Variants in DLGAP1 observed in about 807,000 individuals in gnomAD.
DLGAP1 encodes disks large-associated protein 1.
A neutral mutation model predicts 90.8 loss-of-function variants in DLGAP1; 11 were observed. The observed-to-expected ratio is 0.12, with a 90% CI of 0.08 to 0.20. The LOEUF (loss-of-function observed/expected upper bound fraction) is 0.20, where lower values mean the gene tolerates loss of function less well. Among genes scored for constraint, DLGAP1 ranks in the 10% least tolerant of loss-of-function variants. The pLI is 1.00. For synonymous variants in DLGAP1, 558 were observed against 540.7 expected, an observed-to-expected ratio of 1.03 and a Z score of -0.44; for missense variants, 1,050 against 1,333.8, an observed-to-expected ratio of 0.79 and a Z score of 3.31.
intron 1 of DLGAP1, among the ~76,000 whole-genome samples, chr18:4,394,781 C>T (rs1444287165): frequency 6.6e-6 from 1 of 152,032 alleles, no homozygotes; most frequent in African/African-American, 2.4e-5. Context: ...GGTTCTTATG[C>T]CAATAGTGAT....
intron 3 of DLGAP1, among the ~76,000 whole-genome samples, chr18:3,944,255 T>A (rs1486838861): frequency 1.3e-5 from 2 of 152,190 alleles, no homozygotes; most frequent in East Asian, 3.9e-4. Flanking sequence ...CCCAGCACTT[T>A]GGGAAGCTGA....
At position 3,499,696 on chromosome 18, in the gene DLGAP1, C is replaced by T. The variant is rs1424275129; in HGVS notation, c.2725-302G>A. 6.6e-6 allele frequency among the ~76,000 whole-genome samples: 1 copy of T among 152,128 alleles called. No individual in the cohort carries two copies. Among genetic ancestry groups the T allele is most frequent in the African/African-American group, 2.4e-5 (1 of 41,426 alleles). On this transcript the variant is annotated intron_variant, in intron 12 of 12. Transcript: ENST00000315677. The surrounding 1 kb of genome is among the most constrained non-coding windows in gnomAD (Gnocchi z 6.4). ...TGCGGAAAGCCTGCGGCTCCCAGCA[C>T]ATTGAGTGCGGTTCTCTCTGGAGAC...
chr18:3,671,452 G>A (rs970278439), intron 7 of DLGAP1, among the ~76,000 whole-genome samples: 47 of 152,184 alleles, frequency 3.1e-4, no homozygotes, highest in Non-Finnish European at 1.6e-4. Flanking sequence ...CCTGGCACAC[G>A]TTAGGTGCTC....
At chr18:4,161,962 G>A (rs1000230521) in intron 1 of DLGAP1, among the ~76,000 whole-genome samples, 4 of 152,156 alleles carry the variant, frequency 2.6e-5, no homozygotes, top group Non-Finnish European at 5.9e-5. Context: ...CACTAAATCT[G>A]AGGTCTTCAT....
rs1293181609 is a variant in DLGAP1, at chr18:3,534,453, G to T, written c.2220C>A (p.Ser740Arg). Residue 740 changes from serine to arginine, a missense_variant, in exon 10 of 13, where the codon AGC becomes AGA. Around this residue, in one of 2 missense-constraint regions of DLGAP1, gnomAD observed 565 missense variants for 879.7 expected, o/e 0.64. Coordinates refer to ENST00000315677, the MANE Select transcript of DLGAP1 (RefSeq NM_004746.4). ...GGTAATGGTTTCCTGAGCCCTGAAT[G>T]CTGACTGTGGAGGTGCTGGCATCGC... ...FSRDASTSTV[S>R]IQGSGNHYHA... 1.2e-6 allele frequency: 2 copies of T among 1,614,074 alleles called. No individual in the cohort carries two copies. Among genetic ancestry groups the T allele is most frequent in the African/African-American group, 2.7e-5 (2 of 74,946 alleles).
chr18:3,707,361 G>A (rs1234442456), intron 7 of DLGAP1, among the ~76,000 whole-genome samples: 1 of 152,172 alleles, frequency 6.6e-6, no homozygotes, highest in Non-Finnish European at 1.5e-5. Context: ...ACTTTAGAAG[G>A]CCGAGGTGGG....
intron 4 of DLGAP1, among the ~76,000 whole-genome samples, chr18:3,865,919 T>C (rs934102424): frequency 6.6e-6 from 1 of 152,182 alleles, no homozygotes; most frequent in Non-Finnish European, 1.5e-5. Context: ...TTATTCTTAG[T>C]CATGGTCACA....
intron 3 of DLGAP1, among the ~76,000 whole-genome samples, chr18:3,925,754 A>G (rs955941845): frequency 2.0e-5 from 3 of 152,244 alleles, no homozygotes; most frequent in Admixed American, 6.5e-5. Flanking sequence ...CATTAACTAC[A>G]TTCAGGAAAG....
chr18:4,335,210 A>T (rs1020264285), intron 1 of DLGAP1, among the ~76,000 whole-genome samples: 1 of 151,980 alleles, frequency 6.6e-6, no homozygotes, highest in African/African-American at 2.4e-5. Flanking sequence ...TCCAGAATAG[A>T]AATAAAGACA....
At chr18:3,699,473 G>A (rs1223412229) in intron 7 of DLGAP1, among the ~76,000 whole-genome samples, 1 of 152,192 alleles carries the variant, frequency 6.6e-6, no homozygotes, top group Non-Finnish European at 1.5e-5. Flanking sequence ...AGCGGAGGCT[G>A]CAGAACAGCA....
intron 3 of DLGAP1, among the ~76,000 whole-genome samples, chr18:3,912,039 T>G (rs763093588): frequency 5.9e-5 from 9 of 152,252 alleles, no homozygotes; most frequent in Non-Finnish European, 1.2e-4. Context: ...CAGGCTGATA[T>G]GTGCTGAAGT....
intron 1 of DLGAP1, among the ~76,000 whole-genome samples, chr18:4,192,731 G>A (rs564563510): frequency 6.6e-6 from 1 of 152,264 alleles, no homozygotes; most frequent in South Asian, 2.1e-4. Context: ...CCCTAAGGTA[G>A]GGCAATGGAA....
chr18:3,569,322 T>G (rs1290815151), intron 8 of DLGAP1, among the ~76,000 whole-genome samples: 1 of 151,982 alleles, frequency 6.6e-6, no homozygotes, highest in African/African-American at 2.4e-5. Flanking sequence ...TGACTTCTTA[T>G]GTTTCTATCT....
At chr18:4,077,273 A>G (rs9950643) in intron 2 of DLGAP1, among the ~76,000 whole-genome samples, 114,332 of 152,110 alleles carry the variant, frequency 0.75, 43,294 homozygotes, top group East Asian at 0.85. Flanking sequence ...GAAGAGCCAT[A>G]CTTGAAATCA....
intron 1 of DLGAP1, among the ~76,000 whole-genome samples, chr18:4,441,035 A>G (rs1023112957): frequency 3.3e-5 from 5 of 152,240 alleles, no homozygotes; most frequent in Non-Finnish European, 7.3e-5. Context: ...TCTTTCAGGT[A>G]TATCTCACAA....
At chr18:4,194,994 T>A (rs1354207210) in intron 1 of DLGAP1, among the ~76,000 whole-genome samples, 1 of 152,206 alleles carries the variant, frequency 6.6e-6, no homozygotes, top group Non-Finnish European at 1.5e-5. Context: ...TTGACTATGG[T>A]CACCCTGATG....
At chr18:4,030,543 T>C (rs1015517583) in intron 2 of DLGAP1, among the ~76,000 whole-genome samples, 5 of 148,214 alleles carry the variant, frequency 3.4e-5, no homozygotes, top group South Asian at 4.6e-4. Flanking sequence ...ATACAGGGGA[T>C]TGAGGCCTCT....
intron 3 of DLGAP1, among the ~76,000 whole-genome samples, chr18:3,971,306 A>G (rs2149004879): frequency 6.6e-6 from 1 of 152,274 alleles, no homozygotes; most frequent in African/African-American, 2.4e-5. Context: ...GCTTTCCATT[A>G]GTTTAGAATT....
At chr18:4,034,437 AC>A (rs1386961446) in intron 2 of DLGAP1, among the ~76,000 whole-genome samples, 3 of 152,068 alleles carry the variant, frequency 2.0e-5, no homozygotes, top group Non-Finnish European at 4.4e-5. Flanking sequence ...ATCATTAAAA[AC>A]CCACACAAGT....
Sources: gnomAD v4.1 joint callset for allele counts (sites outside exome capture counted in the v4.1 genomes callset) on GRCh38, gnomAD v4.1.1 for gene constraint, gnomAD v4.1.1 regional missense constraint, Gnocchi (gnomAD v3.1) non-coding constraint, MANE v1.5 for transcripts, NCBI Gene and HGNC (gene_info 2026-07-23, HGNC 2026-07-21) for gene names.